IRAG2: variants seen among roughly 807,000 people sequenced by gnomAD.
IRAG2 encodes inositol 1,4,5-triphosphate receptor associated 2.
A neutral mutation model predicts 69.9 loss-of-function variants in IRAG2; 45 were observed. The ratio of observed to expected loss-of-function variants is 0.64; its 90% CI spans 0.51 to 0.83. The LOEUF is 0.83. Among genes scored for constraint, IRAG2 ranks in the 40% least tolerant of loss-of-function variants. The probability of loss-of-function intolerance (pLI) is 0.00; values close to 1 mark genes in which losing one functional copy is unlikely to be tolerated. For synonymous variants in IRAG2, 193 were observed against 202.4 expected, an observed-to-expected ratio of 0.95 and a Z score of 0.40; for missense variants, 520 against 587.0, an observed-to-expected ratio of 0.89 and a Z score of 1.18.
intron 14 of IRAG2, among the ~76,000 whole-genome samples, chr12:25,095,374 A>G (rs1948352860): frequency 6.6e-6 from 1 of 152,150 alleles, no homozygotes; most frequent in Admixed American, 6.6e-5. Flanking sequence ...ATCTTATCAC[A>G]TGCTTCTTCT....
intron 8 of IRAG2, among the ~76,000 whole-genome samples, chr12:25,024,511 A>C (rs1407270756): frequency 2.0e-5 from 3 of 152,250 alleles, no homozygotes; most frequent in Admixed American, 6.5e-5. Flanking sequence ...AACAGGGAAC[A>C]AGCTACTAGC....
chr12:25,096,235 C>T (rs1948412530), intron 14 of IRAG2, among the ~76,000 whole-genome samples: 1 of 152,146 alleles, frequency 6.6e-6, no homozygotes, highest in African/African-American at 2.4e-5. Context: ...CCTTTTCTTT[C>T]TTAATGATAT....
chr12:25,097,255 C>A, intron 15 of IRAG2: 2 of 441,442 alleles, frequency 4.5e-6, no homozygotes, highest in Non-Finnish European at 7.9e-6. Context: ...CAGTGACAAT[C>A]ATAAAATTTT....
chr12:25,053,271 G>A, intron 1 of IRAG2, among the ~76,000 whole-genome samples: 1 of 150,802 alleles, frequency 6.6e-6, no homozygotes, highest in East Asian at 1.9e-4. Flanking sequence ...AATCTAGTAT[G>A]CATGGTATAT....
At chr12:25,082,468 T>C in intron 9 of IRAG2, among the ~76,000 whole-genome samples, 1 of 151,654 alleles carries the variant, frequency 6.6e-6, no homozygotes, top group South Asian at 2.1e-4. Flanking sequence ...GGCATGGTGG[T>C]GCATGCCTGC....
chr12:25,029,761 C>A (rs1410812604), intron 9 of IRAG2, among the ~76,000 whole-genome samples: 3 of 151,912 alleles, frequency 2.0e-5, no homozygotes, highest in Non-Finnish European at 4.4e-5. Flanking sequence ...GCTCACTGCA[C>A]CTTCGAACTC....
chr12:25,081,603 G>A (rs1340210442), intron 9 of IRAG2, among the ~76,000 whole-genome samples: 2 of 152,184 alleles, frequency 1.3e-5, no homozygotes, highest in East Asian at 3.8e-4. Context: ...AATGTTGAAT[G>A]TATATATCCT....
exon 2 of IRAG2, chr12:25,005,258 G>A (rs1944422249): frequency 8.1e-7 from 1 of 1,228,542 alleles, no homozygotes; most frequent in African/African-American, 1.6e-5. Flanking sequence ...ACAAGAAGCT[G>A]ATGATGGTAA....
intron 1 of IRAG2, chr12:25,004,941 TCC>T: frequency 8.3e-7 from 1 of 1,203,272 alleles, no homozygotes. Context: ...TTAATGTTTG[TCC>T]TTCCAATAGA....
At chr12:25,019,669 A>G (rs1944562341) in intron 6 of IRAG2, among the ~76,000 whole-genome samples, 1 of 152,316 alleles carries the variant, frequency 6.6e-6, no homozygotes, top group South Asian at 2.1e-4. Flanking sequence ...AAAAGGCAGC[A>G]TTCAGGTGGG....
intron 14 of IRAG2, among the ~76,000 whole-genome samples, chr12:25,096,267 T>C (rs1948414482): frequency 1.3e-5 from 2 of 152,354 alleles, no homozygotes; most frequent in Admixed American, 1.3e-4. Flanking sequence ...GTATCTCTTA[T>C]AATTCATGTT....
At chr12:25,106,463 A>T (rs980423543) in intron 20 of IRAG2, among the ~76,000 whole-genome samples, 1 of 129,948 alleles carries the variant, frequency 7.7e-6, no homozygotes, top group African/African-American at 2.8e-5. Flanking sequence ...TGTATATATT[A>T]TATATAAATA....
chr12:25,083,696 C>A (rs1399025350), intron 10 of IRAG2, among the ~76,000 whole-genome samples: 1 of 152,198 alleles, frequency 6.6e-6, no homozygotes, highest in Non-Finnish European at 1.5e-5. Flanking sequence ...ACAACAGGAT[C>A]AGAACTAGGA....
chr12:25,083,733 T>G (rs71450466), intron 10 of IRAG2, among the ~76,000 whole-genome samples: 2 of 152,252 alleles, frequency 1.3e-5, no homozygotes, highest in African/African-American at 2.4e-5. Context: ...TAATTTATTG[T>G]TCATTCATTC....
At chr12:25,027,905 G>A (rs1215875725) in intron 9 of IRAG2, among the ~76,000 whole-genome samples, 1 of 151,862 alleles carries the variant, frequency 6.6e-6, no homozygotes, top group Non-Finnish European at 1.5e-5. Flanking sequence ...TGGGTCACTT[G>A]ATGTTTCTAT....
upstream of IRAG2, among the ~76,000 whole-genome samples, chr12:25,003,615 A>G (rs1430834914): frequency 2.0e-5 from 3 of 152,188 alleles, no homozygotes; most frequent in Non-Finnish European, 4.4e-5. Context: ...TAAAGGTCAT[A>G]TATCTTGCTA....
intron 3 of IRAG2, 106 bp from the exon 4 acceptor site, chr12:25,063,614 A>G: frequency 5.0e-6 from 2 of 397,620 alleles, no homozygotes; most frequent in Non-Finnish European, 4.4e-6. Context: ...TCACAGGGTC[A>G]CTTGAGACTA....
chr12:25,108,248 C>A lies in IRAG2; in HGVS notation c.*188C>A. 1 of 619,792 alleles carries A rather than the reference C, an allele frequency of 1.6e-6. No individual in the cohort carries two copies. The highest frequency in any genetic ancestry group is 2.7e-6 in the Non-Finnish European group (1 of 372,134). 38.4% of individuals were successfully genotyped at this position (619,792 alleles called of 1,614,324 possible). ...AAAATACAATGGGGAAGAAGTCTGC[C>A]TATGATCTTTGAATGAGCTTTTTAA... On this transcript the variant is annotated 3_prime_UTR_variant, in exon 22 of 22. Transcript: ENST00000556887.
At position 25,108,136 on chromosome 12, in the gene IRAG2, C is replaced by G; in HGVS notation, c.*76C>G. 1 of 1,509,402 alleles carries G rather than the reference C, an allele frequency of 6.6e-7. No individual in the cohort carries two copies. Among genetic ancestry groups the G allele is most frequent in the Non-Finnish European group, 9.0e-7 (1 of 1,109,968 alleles). The allele number at this position is 1,509,402 out of a possible 1,614,324, so 93.5% of individuals were successfully genotyped here. A position where few individuals can be genotyped will look rare whatever the true frequency, so the allele number is the denominator to read the frequency against. ...AACTTCGTAAATTAGTAACTTTTAGCTGGGAAAGTATAGCATGAAACCAGA... is the reference window on the plus strand; with the variant it reads ...AACTTCGTAAATTAGTAACTTTTAGGTGGGAAAGTATAGCATGAAACCAGA... On this transcript the variant is annotated 3_prime_UTR_variant, in exon 22 of 22. Coordinates refer to ENST00000556887, the MANE Select transcript of IRAG2 (RefSeq NM_001366544.2).
Sources: gnomAD v4.1 joint callset for allele counts (sites outside exome capture counted in the v4.1 genomes callset) on GRCh38, gnomAD v4.1.1 for gene constraint, MANE v1.5 for transcripts, NCBI Gene and HGNC (gene_info 2026-07-23, HGNC 2026-07-21) for gene names.